The following KCNK5 variants were observed in gnomAD, a reference collection of about 807,000 sequenced individuals.
The protein encoded by KCNK5 is potassium two pore domain channel subfamily K member 5.
In KCNK5, 18 loss-of-function variants were observed where a neutral mutation model predicts 32.9. That is an observed-to-expected ratio of 0.55 (90% CI 0.38 to 0.81). The LOEUF is 0.81. Among genes scored for constraint, KCNK5 ranks in the 30% least tolerant of loss-of-function variants. The probability of loss-of-function intolerance (pLI) is 0.00; values close to 1 mark genes in which losing one functional copy is unlikely to be tolerated. For missense variants in KCNK5, 507 were observed against 651.0 expected, an observed-to-expected ratio of 0.78 and a Z score of 2.41; for synonymous variants, 276 against 275.3, an observed-to-expected ratio of 1.00 and a Z score of -0.03.
At chr6:39,214,017 C>T (rs1771386914) in intron 1 of KCNK5, among the ~76,000 whole-genome samples, 1 of 151,450 alleles carries the variant, frequency 6.6e-6, no homozygotes, top group South Asian at 2.1e-4. Flanking sequence ...TGGTGTGAGA[C>T]TCTGTCTCAA....
intron 1 of KCNK5, among the ~76,000 whole-genome samples, chr6:39,201,849 T>C (rs945876858): frequency 6.6e-6 from 1 of 152,210 alleles, no homozygotes; most frequent in African/African-American, 2.4e-5. Flanking sequence ...GTTTACTGTA[T>C]TTTAGTTTAA....
intron 1 of KCNK5, among the ~76,000 whole-genome samples, chr6:39,201,046 C>T (rs1347098610): frequency 6.6e-6 from 1 of 152,188 alleles, no homozygotes; most frequent in Non-Finnish European, 1.5e-5. Context: ...ACTCCCGGCC[C>T]TGCCTCCAGC....
At chr6:39,206,504 C>T (rs1771228015) in intron 1 of KCNK5, among the ~76,000 whole-genome samples, 1 of 152,198 alleles carries the variant, frequency 6.6e-6, no homozygotes, top group South Asian at 2.1e-4. Context: ...ACTGCTGACT[C>T]ATCACCTTCC....
At chr6:39,225,648 G>A (rs535294966) in intron 1 of KCNK5, among the ~76,000 whole-genome samples, 3 of 152,304 alleles carry the variant, frequency 2.0e-5, no homozygotes, top group Admixed American at 1.3e-4. Flanking sequence ...CACAGGAGAC[G>A]CCTGTATGCC....
intron 1 of KCNK5, among the ~76,000 whole-genome samples, chr6:39,211,058 C>T (rs1451617573): frequency 1.3e-5 from 2 of 152,180 alleles, no homozygotes; most frequent in African/African-American, 2.4e-5. Flanking sequence ...TTTTAGCCGT[C>T]CCCTTCTTCC....
Position 39,229,176 on chromosome 6 carries a change from C to A in KCNK5, c.-65G>T. 1 of 1,536,376 alleles carries A rather than the reference C, an allele frequency of 6.5e-7. No homozygotes were observed. The highest frequency in any genetic ancestry group is 8.9e-7 in the Non-Finnish European group (1 of 1,123,804). ...GCCCCAGCTGCTACCAGTCCGCCCG[C>A]CCTCCAGCCTCTGAAAACAGCTGTT... On this transcript the variant is annotated 5_prime_UTR_variant, in exon 1 of 5. Transcript: ENST00000359534.
chr6:39,222,825 A>G (rs1184911881), intron 1 of KCNK5, among the ~76,000 whole-genome samples: 1 of 152,226 alleles, frequency 6.6e-6, no homozygotes, highest in African/African-American at 2.4e-5. Flanking sequence ...GGAGACATCT[A>G]AAGTAGTTAA....
rs1241122195 is a variant in KCNK5, at chr6:39,190,712, C to T, written c.*178G>A. The T allele has an allele frequency of 9.3e-5, 52 of 558,100 alleles. No individual in the cohort carries two copies. The highest frequency in any genetic ancestry group is 3.0e-6 in the Non-Finnish European group (1 of 337,360). 34.6% of individuals were successfully genotyped at this position (558,100 alleles called of 1,614,324 possible). On this transcript the variant is annotated 3_prime_UTR_variant, in exon 5 of 5. Transcript: ENST00000359534. ...GTATGGTTCAGCTGGAGAACAGAGGCCCTGTCCCGGGCATACATCTAGCTG... is the reference window on the plus strand; with the variant it reads ...GTATGGTTCAGCTGGAGAACAGAGGTCCTGTCCCGGGCATACATCTAGCTG...
At position 39,191,712 on chromosome 6, in the gene KCNK5, G is replaced by A. The variant is rs1017757180; in HGVS notation, c.678C>T (p.Phe226=). 13 of 1,613,986 alleles carry A rather than the reference G, an allele frequency of 8.1e-6. No homozygotes were observed. The highest frequency in any genetic ancestry group is 2.2e-5 in the South Asian group (2 of 91,066). ...GCCCCAAGTAGATCCAGAGCTCCAC[G>A]AAGTAGCGGTACAGGGCGTGGTAGT... ...SANYHALYRY[F]VELWIYLGLA... The change falls in exon 5 of 5, where the codon TTC becomes TTT. Residue 226 remains phenylalanine, a synonymous_variant. Transcript: ENST00000359534. The surrounding 1 kb of genome is among the most constrained non-coding windows in gnomAD (Gnocchi z 5.8).
At chr6:39,219,377 C>T (rs563673552) in intron 1 of KCNK5, among the ~76,000 whole-genome samples, 4 of 151,890 alleles carry the variant, frequency 2.6e-5, no homozygotes, top group African/African-American at 7.3e-5. Context: ...TTTCCTCTTG[C>T]GAGGGGGGTA....
chr6:39,202,740 T>C (rs1223424109), intron 1 of KCNK5, among the ~76,000 whole-genome samples: 1 of 151,794 alleles, frequency 6.6e-6, no homozygotes, highest in Non-Finnish European at 1.5e-5. Context: ...ACTCAATCAA[T>C]CCCATTGGCA....
intron 1 of KCNK5, among the ~76,000 whole-genome samples, chr6:39,210,272 G>A (rs952076109): frequency 2.0e-5 from 3 of 152,138 alleles, no homozygotes; most frequent in Admixed American, 6.5e-5. Context: ...AACTGACCAA[G>A]CAGTGGACTG....
chr6:39,222,865 T>C (rs905690256), intron 1 of KCNK5, among the ~76,000 whole-genome samples: 3 of 152,228 alleles, frequency 2.0e-5, no homozygotes, highest in African/African-American at 7.2e-5. Context: ...AGAATGGTGG[T>C]TCCCAGGGGC....
intron 1 of KCNK5, among the ~76,000 whole-genome samples, chr6:39,205,797 A>T (rs538658526): frequency 1.3e-5 from 2 of 152,132 alleles, no homozygotes; most frequent in Non-Finnish European, 2.9e-5. Flanking sequence ...AAGAGGCCTT[A>T]CTTCTAAGGT....
chr6:39,209,090 C>CA (rs139419860), intron 1 of KCNK5, among the ~76,000 whole-genome samples: 131 of 145,538 alleles, frequency 9.0e-4, no homozygotes, highest in East Asian at 3.0e-3. Context: ...GATTCAGTCT[C>CA]AAAAAAAAAA....
chr6:39,206,207 G>A (rs1046412038), intron 1 of KCNK5, among the ~76,000 whole-genome samples: 5 of 152,216 alleles, frequency 3.3e-5, no homozygotes, highest in Admixed American at 2.0e-4. Context: ...CTTGCCACCC[G>A]GAACTGGGCT....
chr6:39,195,910 T>C lies in KCNK5; in HGVS notation c.264A>G (p.Ala88=). 6.2e-7 allele frequency: 1 copy of C among 1,613,922 alleles called. No individual in the cohort carries two copies. The highest frequency in any genetic ancestry group is 8.5e-7 in the Non-Finnish European group (1 of 1,179,874). ...TAATGACGGTCGCTGCAAAAATCAT[T>C]GCATTGGGCCAGTTCCAGTTGTTGA... is the stretch of plus-strand genomic sequence containing the variant. ...QTFNNWNWPN[A]MIFAATVITT... Residue 88 remains alanine (A), a synonymous_variant, in exon 2 of 5, where the codon GCA becomes GCG. Transcript: ENST00000359534.
intron 1 of KCNK5, among the ~76,000 whole-genome samples, chr6:39,208,703 A>G (rs1349037501): frequency 2.0e-5 from 3 of 152,254 alleles, no homozygotes; most frequent in Admixed American, 2.0e-4. Flanking sequence ...GATGACCCCC[A>G]GATCCTGAAC....
chr6:39,211,031 A>AG (rs34658344), intron 1 of KCNK5, among the ~76,000 whole-genome samples: 2,241 of 152,184 alleles, frequency 0.015, 17 homozygotes, highest in South Asian at 0.051. Context: ...CCCTAAAAAA[A>AG]CCTGGAAAAC....
Sources: allele counts gnomAD v4.1 joint callset (sites outside exome capture counted in the v4.1 genomes callset), GRCh38; gene constraint gnomAD v4.1.1; non-coding constraint Gnocchi (gnomAD v3.1); transcripts MANE v1.5; gene names NCBI Gene and HGNC (gene_info 2026-07-23, HGNC 2026-07-21).